Variants in NUAK1 observed in about 807,000 individuals in gnomAD.
NUAK1 encodes NUAK family kinase 1, also known as NUAK family SNF1-like kinase 1.
NUAK1 carries 26 observed loss-of-function variants against 56.9 expected under a neutral mutation model. The ratio of observed to expected loss-of-function variants is 0.46; its 90% CI spans 0.33 to 0.63. NUAK1 has a LOEUF of 0.63. Among genes scored for constraint, NUAK1 ranks in the 30% least tolerant of loss-of-function variants. NUAK1 has a pLI of 0.02. For synonymous variants in NUAK1, 337 were observed against 336.0 expected (o/e 1.00, Z -0.03); for missense variants, 727 against 876.1 (o/e 0.83, Z 2.15).
intron 1 of NUAK1, among the ~76,000 whole-genome samples, chr12:106,130,577 G>A (rs2033067610): frequency 6.6e-6 from 1 of 152,218 alleles, no homozygotes; most frequent in African/African-American, 2.4e-5. Flanking sequence ...CTAAGAGGAA[G>A]AAGAAAGCAA....
At chr12:106,071,056 T>G in intron 5 of NUAK1, 150 bp from the exon 6 acceptor site, 1 of 750,800 alleles carries the variant, frequency 1.3e-6, no homozygotes, top group Non-Finnish European at 2.2e-6. Context: ...TAGTGCAGCC[T>G]GACACCTGAC....
chr12:106,102,248 G>A (rs888215221), intron 2 of NUAK1, among the ~76,000 whole-genome samples: 1 of 152,170 alleles, frequency 6.6e-6, no homozygotes, highest in Non-Finnish European at 1.5e-5. Context: ...TTGAGGTCAG[G>A]AATGCCTTTG....
intron 2 of NUAK1, among the ~76,000 whole-genome samples, chr12:106,088,941 G>C (rs2032604365): frequency 6.6e-6 from 1 of 152,224 alleles, no homozygotes; most frequent in African/African-American, 2.4e-5. Flanking sequence ...AATGAAGGGG[G>C]AAGGAGGAGG....
At position 106,072,650 on chromosome 12, in the gene NUAK1, G is replaced by A. The variant is rs909483510; in HGVS notation, c.699+74C>T. 34 of 1,463,230 alleles carry A rather than the reference G, an allele frequency of 2.3e-5. 1 individual carries two copies. Among genetic ancestry groups the A allele is most frequent in the South Asian group, 4.0e-5 (3 of 75,000 alleles). The allele number at this position is 1,463,230 out of a possible 1,614,324, so 90.6% of individuals were successfully genotyped here. On this transcript the variant is annotated intron_variant, in intron 5 of 6. Coordinates refer to ENST00000261402, the MANE Select transcript of NUAK1 (RefSeq NM_014840.3). ...GGCTCTGTTTTTTTAAGCATTTCTCGAATCCAGTTTTTGCCCTTCCTCCCT... is the reference window on the plus strand; with the variant it reads ...GGCTCTGTTTTTTTAAGCATTTCTCAAATCCAGTTTTTGCCCTTCCTCCCT...
intron 1 of NUAK1, among the ~76,000 whole-genome samples, chr12:106,118,702 G>C (rs1230563726): frequency 6.6e-6 from 1 of 152,204 alleles, no homozygotes; most frequent in Non-Finnish European, 1.5e-5. Context: ...CTGATGTACT[G>C]TACACACAAA....
chr12:106,069,987 G>T (rs2032388215), intron 6 of NUAK1, among the ~76,000 whole-genome samples: 1 of 152,050 alleles, frequency 6.6e-6, no homozygotes, highest in Non-Finnish European at 1.5e-5. Flanking sequence ...ACACAATCTG[G>T]GTACAAGCAT....
chr12:106,123,118 C>T (rs778561304), intron 1 of NUAK1, among the ~76,000 whole-genome samples: 2 of 152,176 alleles, frequency 1.3e-5, no homozygotes, highest in Non-Finnish European at 1.5e-5. Flanking sequence ...TTCTGAAAAT[C>T]GTTACTGGGT....
intron 2 of NUAK1, among the ~76,000 whole-genome samples, chr12:106,088,763 G>A (rs2032601711): frequency 6.6e-6 from 1 of 152,154 alleles, no homozygotes; most frequent in African/African-American, 2.4e-5. Flanking sequence ...TTCATCCCCA[G>A]AGCCTAGCAC....
Position 106,105,330 on chromosome 12 carries a change from T to C in NUAK1, c.361+1075A>G, listed in dbSNP as rs73397166. On this transcript the variant is annotated intron_variant, in intron 2 of 6. Coordinates refer to ENST00000261402, the MANE Select transcript of NUAK1 (RefSeq NM_014840.3). ...ACTCAGTAAAACCAAAATTGGGAAA[T>C]TTTCATAAGAAAATAATCAGAAATG... is the stretch of plus-strand genomic sequence containing the variant. Among the ~76,000 whole-genome samples the C allele has an allele frequency of 7.8e-3, 1,185 of 152,250 alleles. 11 individuals carry two copies. The highest frequency in any genetic ancestry group is 0.023 in the African/African-American group (974 of 41,534).
chr12:106,073,190 T>C (rs915663210), intron 4 of NUAK1, among the ~76,000 whole-genome samples: 1 of 152,370 alleles, frequency 6.6e-6, no homozygotes, highest in Middle Eastern at 3.4e-3. Flanking sequence ...ACTGGCTTGA[T>C]GTTTCTGATG....
chr12:106,086,836 T>A lies in NUAK1; in HGVS notation c.411A>T (p.Lys137Asn). 6.2e-7 allele frequency: 1 copy of A among 1,614,124 alleles called. No individual in the cohort carries two copies. The highest frequency in any genetic ancestry group is 8.5e-7 in the Non-Finnish European group (1 of 1,179,988). Residue 137 changes from lysine (K) to asparagine (N), a missense_variant, in exon 3 of 7, where the codon AAA becomes AAT. Lys to Asn is a moderately conservative substitution (Grantham distance 94). Coordinates refer to ENST00000261402, the MANE Select transcript of NUAK1 (RefSeq NM_014840.3). ...CACTGATGTAATCGTACAGCTCCCC[T>A]TTGCTGGCATATTCCATGATGATCA... ...KIVIIMEYAS[K>N]GELYDYISER... is the part of the protein sequence containing the mutation.
chr12:106,074,215 G>A (rs2032438526), intron 4 of NUAK1, among the ~76,000 whole-genome samples: 1 of 151,954 alleles, frequency 6.6e-6, no homozygotes, highest in African/African-American at 2.4e-5. Flanking sequence ...ATTTTGAAAA[G>A]CACAAGATAA....
At position 106,067,419 on chromosome 12, in the gene NUAK1, T is replaced by C; in HGVS notation, c.1369A>G (p.Lys457Glu). 1 of 1,614,164 alleles carries C rather than the reference T, an allele frequency of 6.2e-7. No homozygotes were observed. The highest frequency in any genetic ancestry group is 8.5e-7 in the Non-Finnish European group (1 of 1,180,038). ...TTCTTGGGCATCGTGGCCGACTGCT[T>C]GGGGCTGAGTTTTCCCGGCACCTCT... ...EAEVPGKLSP[K>E]QSATMPKKGI... Residue 457 changes from lysine (K) to glutamate (E), a missense_variant, in exon 7 of 7, where the codon AAG becomes GAG. By Grantham distance (56) the Lys-to-Glu change is moderately conservative (BLOSUM62 1). Coordinates refer to ENST00000261402, the MANE Select transcript of NUAK1 (RefSeq NM_014840.3). The surrounding 1 kb of genome is among the most constrained non-coding windows in gnomAD (Gnocchi z 6.0).
intron 2 of NUAK1, among the ~76,000 whole-genome samples, chr12:106,098,577 C>A (rs976286548): frequency 6.6e-6 from 1 of 152,124 alleles, no homozygotes; most frequent in Admixed American, 6.5e-5. Context: ...ATGCAAAGAA[C>A]CCATAAAGAG....
Position 106,067,012 on chromosome 12 carries a change from G to A in NUAK1, c.1776C>T (p.Arg592=). The change falls in exon 7 of 7, where the codon CGC becomes CGT. Residue 592 remains arginine, a synonymous_variant. Coordinates refer to ENST00000261402, the MANE Select transcript of NUAK1 (RefSeq NM_014840.3). The surrounding 1 kb of genome is among the most constrained non-coding windows in gnomAD (Gnocchi z 6.0). ...AGCTGCGGATGCGCTGGCGGGCAGGGCGATTCTCCTGCAAATCCAGCAAGT... is the reference window on the plus strand; with the variant it reads ...AGCTGCGGATGCGCTGGCGGGCAGGACGATTCTCCTGCAAATCCAGCAAGT... The part of the protein sequence containing the change: ...SFDLLDLQEN[R]PARQRIRSCV... 3 of 1,614,232 alleles carry A rather than the reference G, an allele frequency of 1.9e-6. No individual in the cohort carries two copies. The highest frequency in any genetic ancestry group is 2.5e-6 in the Non-Finnish European group (3 of 1,180,046).
chr12:106,081,286 G>A (rs1170882705), intron 4 of NUAK1, among the ~76,000 whole-genome samples: 1 of 152,112 alleles, frequency 6.6e-6, no homozygotes, highest in Non-Finnish European at 1.5e-5. Flanking sequence ...TAAAACAAGG[G>A]GTTGGAAAAA....
At chr12:106,106,342 C>A in intron 2 of NUAK1, 63 bp downstream of exon 2, 5 of 1,446,648 alleles carry the variant, frequency 3.5e-6, no homozygotes, top group Non-Finnish European at 4.7e-6. Context: ...AAAGTCTTGG[C>A]AGGCCCCATG....
At chr12:106,087,390 G>A (rs1298823699) in intron 2 of NUAK1, among the ~76,000 whole-genome samples, 1 of 152,112 alleles carries the variant, frequency 6.6e-6, no homozygotes, top group East Asian at 1.9e-4. Context: ...AGTCGTGCAC[G>A]ATCCCATGGG....
Position 106,138,662 on chromosome 12 carries a change from G to GC in NUAK1, c.-10dup. 2.0e-6 allele frequency: 3 copies of GC among 1,513,944 alleles called. No homozygotes were observed. Among genetic ancestry groups the GC allele is most frequent in the Non-Finnish European group, 2.6e-6 (3 of 1,141,002 alleles). The allele number at this position is 1,513,944 out of a possible 1,614,324, so 93.8% of individuals were successfully genotyped here. On this transcript the variant is annotated 5_prime_UTR_variant, in exon 1 of 7. Coordinates refer to ENST00000261402, the MANE Select transcript of NUAK1 (RefSeq NM_014840.3). This position sits in a 1 kb window ranked among gnomAD's most constrained non-coding sequence, Gnocchi z 5.0. Reference sequence around the variant, plus strand: ...GCGGCGGCCCCTTCCATGTCCAAGCGCGGGGCGAGCCGGGCTACAGAGGGC... The same window carrying GC: ...GCGGCGGCCCCTTCCATGTCCAAGCGCCGGGGCGAGCCGGGCTACAGAGGGC...
Sources: gnomAD v4.1 joint callset for allele counts (sites outside exome capture counted in the v4.1 genomes callset) on GRCh38, gnomAD v4.1.1 for gene constraint, Gnocchi (gnomAD v3.1) non-coding constraint, MANE v1.5 for transcripts, NCBI Gene and HGNC (gene_info 2026-07-23, HGNC 2026-07-21) for gene names.